PDE1A: variants seen among roughly 807,000 people sequenced by gnomAD.
PDE1A encodes dual specificity calcium/calmodulin-dependent 3',5'-cyclic nucleotide phosphodiesterase 1A.
In PDE1A, 35 loss-of-function variants were observed where a neutral mutation model predicts 61.7. That is an observed-to-expected ratio of 0.57 (90% CI 0.43 to 0.75). The LOEUF is 0.75. PDE1A is among the 30% of genes least tolerant of loss of function. PDE1A has a pLI of 0.00. For missense variants in PDE1A, 597 were observed against 630.6 expected, an observed-to-expected ratio of 0.95 and a Z score of 0.57; for synonymous variants, 232 against 213.2, an observed-to-expected ratio of 1.09 and a Z score of -0.77.
intron 7 of PDE1A, among the ~76,000 whole-genome samples, chr2:182,208,738 G>A (rs10209868): frequency 6.6e-6 from 1 of 152,146 alleles, no homozygotes; most frequent in African/African-American, 2.4e-5. Context: ...ATGAGACATG[G>A]AGTCAAAAAG....
chr2:182,247,257 T>A (rs1691041971), intron 2 of PDE1A, among the ~76,000 whole-genome samples: 1 of 152,042 alleles, frequency 6.6e-6, no homozygotes, highest in Admixed American at 6.6e-5. Context: ...AAAGAAAACT[T>A]AAAAAAAGTA....
chr2:182,688,447 G>C, the PDE1A span, among the ~76,000 whole-genome samples: 2 of 152,130 alleles, frequency 1.3e-5, no homozygotes, highest in Admixed American at 1.3e-4. Context: ...AAGTGAAGGA[G>C]AAATAAAATA....
At chr2:182,171,895 T>A (rs1253525575) in intron 13 of PDE1A, among the ~76,000 whole-genome samples, 1 of 151,838 alleles carries the variant, frequency 6.6e-6, no homozygotes, top group Non-Finnish European at 1.5e-5. Flanking sequence ...TCCCCATTAT[T>A]ACCTCTACTT....
At chr2:182,286,469 T>G (rs1694171962) in intron 1 of PDE1A, among the ~76,000 whole-genome samples, 1 of 152,162 alleles carries the variant, frequency 6.6e-6, no homozygotes, top group South Asian at 2.1e-4. Context: ...CTAAACACTG[T>G]AAGAGGTAAA....
At chr2:182,373,841 A>T (rs1700249363) in intron 1 of PDE1A, among the ~76,000 whole-genome samples, 1 of 152,224 alleles carries the variant, frequency 6.6e-6, no homozygotes, top group Non-Finnish European at 1.5e-5. Context: ...CAAGAAAACA[A>T]GAGGAAATGT....
chr2:182,466,448 T>C (rs529605494), intron 2 of PDE1A, among the ~76,000 whole-genome samples: 1 of 152,084 alleles, frequency 6.6e-6, no homozygotes, highest in East Asian at 1.9e-4. Flanking sequence ...TCCTAGAAAA[T>C]GTAGAGAAAC....
intron 2 of PDE1A, among the ~76,000 whole-genome samples, chr2:182,504,338 AC>A (rs922817614): frequency 1.2e-4 from 18 of 152,258 alleles, no homozygotes; most frequent in Non-Finnish European, 2.4e-4. Context: ...ACTGGTAGAT[AC>A]AACCAAATTA....
chr2:182,264,405 G>C, exon 2 of PDE1A: 1 of 1,612,138 alleles, frequency 6.2e-7, no homozygotes, highest in South Asian at 1.1e-5. Flanking sequence ...GCTTCACCAA[G>C]CATCTTAGTC....
chr2:182,333,327 GA>G (rs1415411570), intron 1 of PDE1A, among the ~76,000 whole-genome samples: 5 of 152,070 alleles, frequency 3.3e-5, no homozygotes, highest in Non-Finnish European at 1.5e-5. Context: ...CACATAATTG[GA>G]AGTAAAACAC....
chr2:182,309,336 C>G (rs1378875569), intron 1 of PDE1A, among the ~76,000 whole-genome samples: 1 of 152,012 alleles, frequency 6.6e-6, no homozygotes, highest in Admixed American at 6.6e-5. Context: ...AGCATACCAT[C>G]CTTATAATTC....
At chr2:182,653,342 G>A in the PDE1A span, among the ~76,000 whole-genome samples, 17 of 152,190 alleles carry the variant, frequency 1.1e-4, no homozygotes, top group East Asian at 1.9e-3. Flanking sequence ...GCTATGTATC[G>A]CTAATGATTT....
intron 10 of PDE1A, among the ~76,000 whole-genome samples, chr2:182,201,190 T>A (rs1686597523): frequency 6.6e-6 from 1 of 152,184 alleles, no homozygotes; most frequent in Non-Finnish European, 1.5e-5. Context: ...CTTAGCTGCT[T>A]TTATTTTTCT....
intron 1 of PDE1A, among the ~76,000 whole-genome samples, chr2:182,313,801 C>T (rs1347564669): frequency 6.6e-6 from 1 of 151,992 alleles, no homozygotes; most frequent in Non-Finnish European, 1.5e-5. Flanking sequence ...TGAAGAAGTC[C>T]ACTTAAGTAC....
intron 1 of PDE1A, among the ~76,000 whole-genome samples, chr2:182,370,176 CAAAAAAGAA>C (rs924643917): frequency 7.5e-5 from 8 of 106,712 alleles, no homozygotes; most frequent in South Asian, 3.9e-4. Flanking sequence ...GACTTTGTCT[CAAAAAAGAA>C]AAAAAAGAAA....
At chr2:182,696,021 A>C in the PDE1A span, among the ~76,000 whole-genome samples, 1 of 152,220 alleles carries the variant, frequency 6.6e-6, no homozygotes, top group Non-Finnish European at 1.5e-5. Flanking sequence ...TGAGAAGGCA[A>C]AATGACACAG....
At chr2:182,357,059 A>T (rs914699161) in intron 1 of PDE1A, among the ~76,000 whole-genome samples, 6 of 152,118 alleles carry the variant, frequency 3.9e-5, no homozygotes, top group African/African-American at 1.4e-4. Context: ...GAGGGATAGC[A>T]TTAGGAGATA....
intron 1 of PDE1A, among the ~76,000 whole-genome samples, chr2:182,358,142 G>A (rs752857083): frequency 1.3e-5 from 2 of 152,126 alleles, no homozygotes; most frequent in Non-Finnish European, 2.9e-5. Context: ...TTTTAGGGAC[G>A]AATCCGATGA....
chr2:182,199,258 C>CCAA (rs904743500), intron 10 of PDE1A, among the ~76,000 whole-genome samples: 1 of 151,780 alleles, frequency 6.6e-6, no homozygotes, highest in African/African-American at 2.4e-5. Flanking sequence ...TTTCGGAGAG[C>CCAA]CAACTGTTAT....
In PDE1A at chr2:182,275,398, G is replaced by T. The variant is rs138169184; in HGVS notation, c.54-10984C>A. ...AGCTGACAGGAACCTGGGAAATTTA[G>T]CTATGATTATACAGAGCACTGCAGG... On this transcript the variant is annotated intron_variant, in intron 1 of 13. Transcript: ENST00000351439. 7.9e-4 allele frequency among the ~76,000 whole-genome samples: 121 copies of T among 152,206 alleles called. No homozygotes were observed. In the East Asian group the frequency reaches 0.018, roughly 23 times the overall value.
Sources: gnomAD v4.1 joint callset for allele counts (sites outside exome capture counted in the v4.1 genomes callset) on GRCh38, gnomAD v4.1.1 for gene constraint, MANE v1.5 for transcripts, NCBI Gene and HGNC (gene_info 2026-07-23, HGNC 2026-07-21) for gene names.